The following CILK1 variants were observed in gnomAD, a reference collection of about 807,000 sequenced individuals.
CILK1 encodes ciliogenesis associated kinase 1.
CILK1 carries 47 observed loss-of-function variants against 79.2 expected under a neutral mutation model. That is an observed-to-expected ratio of 0.59 (90% CI 0.47 to 0.76). The LOEUF (loss-of-function observed/expected upper bound fraction) is 0.76, where lower values mean the gene tolerates loss of function less well. CILK1 is among the 30% of genes least tolerant of loss of function. The probability of loss-of-function intolerance (pLI) is 0.00; values close to 1 mark genes in which losing one functional copy is unlikely to be tolerated. For missense variants in CILK1, 660 were observed against 769.5 expected (o/e 0.86, Z 1.68); for synonymous variants, 266 against 275.9 (o/e 0.96, Z 0.36).
chr6:53,047,132 TGA>T (rs1767133089), intron 1 of CILK1, among the ~76,000 whole-genome samples: 1 of 152,084 alleles, frequency 6.6e-6, no homozygotes, highest in African/African-American at 2.4e-5. Context: ...GGCTGAGCTT[TGA>T]GAGTTCTGAA....
At chr6:53,022,663 CTTT>C (rs1445880441) in intron 5 of CILK1, among the ~76,000 whole-genome samples, 3 of 152,176 alleles carry the variant, frequency 2.0e-5, no homozygotes, top group African/African-American at 7.2e-5. Flanking sequence ...CCCTTTACTC[CTTT>C]TTGTCTACAT....
intron 1 of CILK1, among the ~76,000 whole-genome samples, chr6:53,051,578 T>A (rs1356114766): frequency 6.6e-6 from 1 of 152,186 alleles, no homozygotes; most frequent in African/African-American, 2.4e-5. Context: ...TTTTAAATCT[T>A]CCTCTGTCTC....
At chr6:53,021,984 C>A (rs1207454763) in intron 5 of CILK1, among the ~76,000 whole-genome samples, 1 of 151,444 alleles carries the variant, frequency 6.6e-6, no homozygotes. Flanking sequence ...TAGGCCTAGG[C>A]TAATGTGTGT....
intron 1 of CILK1, among the ~76,000 whole-genome samples, chr6:53,056,648 T>A (rs1767899440): frequency 6.6e-6 from 1 of 152,200 alleles, no homozygotes; most frequent in East Asian, 1.9e-4. Context: ...GAATATAAGC[T>A]CTGTGAGGTC....
At position 53,005,145 on chromosome 6, in the gene CILK1, A is replaced by G. The variant is rs1348246931; in HGVS notation, c.*4T>C. Reference sequence around the variant, plus strand: ...AGGAAGAGATTCATCACCAAGGCAGACAGTCATCGCCGAGATGCGTACTTG... The same window carrying G: ...AGGAAGAGATTCATCACCAAGGCAGGCAGTCATCGCCGAGATGCGTACTTG... On this transcript the variant is annotated 3_prime_UTR_variant, in exon 14 of 14. Transcript: ENST00000676107. 2.5e-6 allele frequency: 4 copies of G among 1,614,038 alleles called. No homozygotes were observed. In the African/African-American group the frequency reaches 5.3e-5, roughly 22 times the overall value.
rs1415718610 is a variant in CILK1, at chr6:53,011,880, C to CA, written c.1380dup (p.Val461CysfsTer57). 4 of 1,614,020 alleles carry CA rather than the reference C, an allele frequency of 2.5e-6. No individual in the cohort carries two copies. Among genetic ancestry groups the CA allele is most frequent in the Non-Finnish European group, 3.4e-6 (4 of 1,180,036 alleles). On this transcript the variant is annotated frameshift_variant, in exon 11 of 14. Transcript: ENST00000676107. LOFTEE classifies it high-confidence loss of function. ...GTGGGGGCACTGTTTCCTGTGCCCA[C>CA]AGGCTCAGAGGGCTTCAGGTCCAAA...
At position 53,018,407 on chromosome 6, in the gene CILK1, G is replaced by GGGTGT. The variant is rs1405095740; in HGVS notation, c.581_585dup (p.Leu196ThrfsTer41). The GGGTGT allele has an allele frequency of 6.2e-7, 1 of 1,614,186 alleles. No homozygotes were observed. Among genetic ancestry groups the GGGTGT allele is most frequent in the Non-Finnish European group, 8.5e-7 (1 of 1,180,036 alleles). On this transcript the variant is annotated frameshift_variant, in exon 7 of 14. Transcript: ENST00000676107. LOFTEE classifies it high-confidence loss of function. Reference sequence around the variant, plus strand: ...CTGGCTCCAGGGAAGAGTGGCCTGAGGGTGTAAACTTCTGCCATGATGCAG... The same window carrying GGGTGT: ...CTGGCTCCAGGGAAGAGTGGCCTGAGGGTGTGGTGTAAACTTCTGCCATGATGCAG...
At chr6:53,014,969 A>G (rs1288678124) in intron 8 of CILK1, among the ~76,000 whole-genome samples, 1 of 152,242 alleles carries the variant, frequency 6.6e-6, no homozygotes, top group Non-Finnish European at 1.5e-5. Flanking sequence ...GAATTTCACC[A>G]CCAGAACTGC....
At chr6:53,054,898 T>C (rs763863095) in intron 1 of CILK1, among the ~76,000 whole-genome samples, 1 of 152,234 alleles carries the variant, frequency 6.6e-6, no homozygotes, top group African/African-American at 2.4e-5. Flanking sequence ...ATCAGGTGCC[T>C]TGCTCATTCA....
At chr6:53,059,068 T>A (rs1421473341) in intron 1 of CILK1, among the ~76,000 whole-genome samples, 1 of 152,220 alleles carries the variant, frequency 6.6e-6, no homozygotes, top group Non-Finnish European at 1.5e-5. Context: ...AAGGATTCAC[T>A]GCATGGTTAC....
At chr6:53,009,388 C>T in intron 12 of CILK1, 51 bp downstream of exon 12, 1 of 1,589,942 alleles carries the variant, frequency 6.3e-7, no homozygotes, top group African/African-American at 1.3e-5. Flanking sequence ...CACCTTCCTG[C>T]ATCCAGGGAA....
intron 1 of CILK1, among the ~76,000 whole-genome samples, chr6:53,048,228 T>G (rs75480216): frequency 0.013 from 1,940 of 152,190 alleles, 45 homozygotes; most frequent in African/African-American, 0.043. Flanking sequence ...GGCATCTAAA[T>G]GAAAGTACAA....
chr6:53,041,328 T>G lies in CILK1; in HGVS notation c.-92A>C. 1.2e-6 allele frequency: 1 copy of G among 838,066 alleles called. No homozygotes were observed. The highest frequency in any genetic ancestry group is 1.7e-5 in the Admixed American group (1 of 58,492). 51.9% of individuals were successfully genotyped at this position (838,066 alleles called of 1,614,324 possible). On this transcript the variant is annotated 5_prime_UTR_variant, in exon 2 of 14. Transcript: ENST00000676107. Reference sequence around the variant, plus strand: ...TCCTCCCCAGAGTGTAACCAGATTTTTCGATGGCAGCACCAGCACAAGGTA... The same window carrying G: ...TCCTCCCCAGAGTGTAACCAGATTTGTCGATGGCAGCACCAGCACAAGGTA...
chr6:53,013,064 C>T lies in CILK1; in HGVS notation c.1152+598G>A, dbSNP rs575164221. 1.9e-3 allele frequency among the ~76,000 whole-genome samples: 288 copies of T among 152,274 alleles called. 1 individual carries two copies. The highest frequency in any genetic ancestry group is 6.7e-3 in the African/African-American group (277 of 41,544). ...ACAAATATTAACACAGCGCTTTATG[C>T]TTTTCAAAATATCTTAAAAACATCA... On this transcript the variant is annotated intron_variant, in intron 9 of 13. Transcript: ENST00000676107.
At chr6:53,017,746 A>T (rs141233383) in intron 7 of CILK1, among the ~76,000 whole-genome samples, 38 of 152,334 alleles carry the variant, frequency 2.5e-4, no homozygotes, top group African/African-American at 8.7e-4. Context: ...GCCATGTGGC[A>T]ATATTCAACA....
At chr6:53,032,041 G>A (rs889874215) in intron 4 of CILK1, among the ~76,000 whole-genome samples, 6 of 152,128 alleles carry the variant, frequency 3.9e-5, no homozygotes, top group Non-Finnish European at 8.8e-5. Flanking sequence ...CCATGTTGAT[G>A]AGGCTGGTCG....
At chr6:53,059,881 C>G (rs1022088547) in intron 1 of CILK1, among the ~76,000 whole-genome samples, 1 of 152,216 alleles carries the variant, frequency 6.6e-6, no homozygotes, top group Non-Finnish European at 1.5e-5. Flanking sequence ...TTCATTCATT[C>G]AGCAACCATT....
At chr6:53,055,754 C>T (rs551234524) in intron 1 of CILK1, among the ~76,000 whole-genome samples, 15 of 152,224 alleles carry the variant, frequency 9.9e-5, no homozygotes, top group South Asian at 6.2e-4. Flanking sequence ...AAGGTGCTCA[C>T]GCCTTGAACC....
intron 5 of CILK1, among the ~76,000 whole-genome samples, chr6:53,029,853 T>C (rs1470090175): frequency 1.3e-5 from 2 of 152,218 alleles, no homozygotes; most frequent in Admixed American, 1.3e-4. Context: ...TGAGAGTAAA[T>C]GGATTTCTAC....
Sources: allele counts gnomAD v4.1 joint callset (sites outside exome capture counted in the v4.1 genomes callset), GRCh38; gene constraint gnomAD v4.1.1; transcripts MANE v1.5; gene names NCBI Gene and HGNC (gene_info 2026-07-23, HGNC 2026-07-21).